The following LHFPL6 variants were observed in gnomAD, a reference collection of about 807,000 sequenced individuals.
The protein encoded by LHFPL6 is LHFPL tetraspan subfamily member 6 protein.
LHFPL6 carries 9 observed loss-of-function variants against 20.6 expected under a neutral mutation model. The ratio of observed to expected loss-of-function variants is 0.44; its 90% CI spans 0.26 to 0.76. The LOEUF is 0.76. LHFPL6 is among the 30% of genes least tolerant of loss of function. LHFPL6 has a pLI of 0.20. For missense variants in LHFPL6, 218 were observed against 253.5 expected, an observed-to-expected ratio of 0.86 and a Z score of 0.95; for synonymous variants, 105 against 98.7, an observed-to-expected ratio of 1.06 and a Z score of -0.38.
chr13:39,586,269 T>C (rs1872444516), intron 2 of LHFPL6, among the ~76,000 whole-genome samples: 2 of 152,158 alleles, frequency 1.3e-5, no homozygotes, highest in Non-Finnish European at 2.9e-5. Context: ...AGTGACACTG[T>C]CAGCTGCTTT....
At chr13:39,591,999 G>A (rs1303193030) in intron 2 of LHFPL6, among the ~76,000 whole-genome samples, 1 of 151,978 alleles carries the variant, frequency 6.6e-6, no homozygotes, top group African/African-American at 2.4e-5. Flanking sequence ...AGGAGGCCAA[G>A]GCGGGAGAAT....
At chr13:39,485,714 G>A (rs1156592366) in intron 2 of LHFPL6, among the ~76,000 whole-genome samples, 2 of 152,168 alleles carry the variant, frequency 1.3e-5, no homozygotes, top group Non-Finnish European at 2.9e-5. Context: ...AGAAATCAGG[G>A]TGGAACTAAA....
At chr13:39,538,285 C>T (rs764949428) in intron 2 of LHFPL6, among the ~76,000 whole-genome samples, 4 of 151,492 alleles carry the variant, frequency 2.6e-5, no homozygotes, top group African/African-American at 7.3e-5. Flanking sequence ...CCACCACGCC[C>T]AGCCCATTTT....
intron 2 of LHFPL6, among the ~76,000 whole-genome samples, chr13:39,526,146 G>C (rs967085639): frequency 1.3e-5 from 2 of 152,130 alleles, no homozygotes; most frequent in African/African-American, 4.8e-5. Flanking sequence ...TTGTTCAATA[G>C]ACAGTAACCC....
intron 2 of LHFPL6, among the ~76,000 whole-genome samples, chr13:39,522,493 A>C (rs1001113080): frequency 6.6e-6 from 1 of 152,130 alleles, no homozygotes; most frequent in Non-Finnish European, 1.5e-5. Flanking sequence ...ATAGCCAATA[A>C]CTTACTGTTC....
chr13:39,375,485 G>T (rs1566096970), intron 3 of LHFPL6, among the ~76,000 whole-genome samples: 1 of 152,110 alleles, frequency 6.6e-6, no homozygotes. Flanking sequence ...GAGGTCAGGG[G>T]TTCGAGACTA....
At chr13:39,390,873 T>C (rs1870691682) in intron 2 of LHFPL6, among the ~76,000 whole-genome samples, 1 of 152,136 alleles carries the variant, frequency 6.6e-6, no homozygotes, top group Non-Finnish European at 1.5e-5. Flanking sequence ...GGCGTGCACC[T>C]GTAATCCCAG....
intron 2 of LHFPL6, among the ~76,000 whole-genome samples, chr13:39,433,927 G>T (rs1593311469): frequency 2.0e-5 from 3 of 152,246 alleles, no homozygotes; most frequent in Middle Eastern, 3.4e-3. Context: ...TCGATTTCCT[G>T]CTCCTGTTTC....
intron 2 of LHFPL6, among the ~76,000 whole-genome samples, chr13:39,382,024 G>T (rs1224726478): frequency 6.6e-6 from 1 of 152,094 alleles, no homozygotes; most frequent in African/African-American, 2.4e-5. Context: ...CCTAAATTAG[G>T]TTTTCTACTA....
At chr13:39,406,618 T>C (rs1051292296) in intron 2 of LHFPL6, among the ~76,000 whole-genome samples, 4 of 114,938 alleles carry the variant, frequency 3.5e-5, no homozygotes, top group African/African-American at 1.7e-4. Flanking sequence ...TGATAAAACA[T>C]TAAAATTTCA....
intron 2 of LHFPL6, among the ~76,000 whole-genome samples, chr13:39,536,191 A>G (rs892419645): frequency 1.3e-5 from 2 of 152,212 alleles, no homozygotes; most frequent in Admixed American, 6.5e-5. Flanking sequence ...AAAGAAATGT[A>G]CATTGCAAGG....
intron 2 of LHFPL6, among the ~76,000 whole-genome samples, chr13:39,397,015 A>T (rs1870859985): frequency 6.6e-6 from 1 of 152,156 alleles, no homozygotes. Flanking sequence ...GAACTGAGAG[A>T]GAATAGATTT....
intron 2 of LHFPL6, among the ~76,000 whole-genome samples, chr13:39,554,961 G>A (rs1871258931): frequency 1.3e-5 from 2 of 152,142 alleles, no homozygotes; most frequent in Non-Finnish European, 2.9e-5. Flanking sequence ...GTGGATCTGG[G>A]GTCTTAGAAG....
At chr13:39,487,407 G>C (rs1370809598) in intron 2 of LHFPL6, among the ~76,000 whole-genome samples, 2 of 152,122 alleles carry the variant, frequency 1.3e-5, no homozygotes, top group African/African-American at 4.8e-5. Flanking sequence ...CACATCAAGG[G>C]ATTCCTAAGT....
intron 2 of LHFPL6, among the ~76,000 whole-genome samples, chr13:39,410,511 T>C (rs1229681900): frequency 6.6e-6 from 1 of 152,120 alleles, no homozygotes; most frequent in African/African-American, 2.4e-5. Flanking sequence ...AAACACATAC[T>C]TCAAATATCA....
intron 2 of LHFPL6, among the ~76,000 whole-genome samples, chr13:39,442,857 A>G (rs1355898570): frequency 6.6e-6 from 1 of 152,138 alleles, no homozygotes; most frequent in Non-Finnish European, 1.5e-5. Context: ...CATTTCAAAT[A>G]CTACTGTCCT....
intron 2 of LHFPL6, among the ~76,000 whole-genome samples, chr13:39,496,648 G>A (rs1869110373): frequency 6.6e-6 from 1 of 152,208 alleles, no homozygotes; most frequent in Non-Finnish European, 1.5e-5. Context: ...CATCAGTAGA[G>A]AGATATAAAA....
chr13:39,517,638 A>G (rs189082587), intron 2 of LHFPL6, among the ~76,000 whole-genome samples: 1 of 152,196 alleles, frequency 6.6e-6, no homozygotes, highest in East Asian at 1.9e-4. Context: ...GCACCATTAT[A>G]TGTCCCTGTT....
chr13:39,418,380 G>A (rs1450305393), intron 2 of LHFPL6, among the ~76,000 whole-genome samples: 2 of 29,730 alleles, frequency 6.7e-5, no homozygotes, highest in Admixed American at 5.5e-4. Context: ...AGTTTTTTTG[G>A]TCTTTTTTTT....
Sources: allele counts gnomAD v4.1 joint callset (sites outside exome capture counted in the v4.1 genomes callset), GRCh38; gene constraint gnomAD v4.1.1; transcripts MANE v1.5; gene names NCBI Gene and HGNC (gene_info 2026-07-23, HGNC 2026-07-21).